The following TSHZ3 variants were observed in gnomAD, a reference collection of about 807,000 sequenced individuals.
The protein encoded by TSHZ3 is teashirt zinc finger homeobox 3.
TSHZ3 carries 10 observed loss-of-function variants against 64.5 expected under a neutral mutation model. That is an observed-to-expected ratio of 0.16 (90% CI 0.10 to 0.26). The LOEUF is 0.26. TSHZ3 is among the 10% of genes least tolerant of loss of function. TSHZ3 has a pLI of 1.00. For missense variants in TSHZ3, 1,242 were observed against 1,421.7 expected (o/e 0.87, Z 2.03); for synonymous variants, 608 against 593.1 (o/e 1.03, Z -0.36).
chr19:31,209,120 G>C (rs934689321), intron 4 of TSHZ3, among the ~76,000 whole-genome samples: 12 of 152,146 alleles, frequency 7.9e-5, no homozygotes, highest in African/African-American at 2.7e-4. Context: ...GGACTCAAGA[G>C]CCTAAAGACA....
chr19:31,328,228 C>T (rs979567516), intron 1 of TSHZ3, among the ~76,000 whole-genome samples: 1 of 152,254 alleles, frequency 6.6e-6, no homozygotes, highest in Admixed American at 6.5e-5. Context: ...TGCTGAAAAG[C>T]GAAGTGCTAG....
chr19:31,233,935 C>CAAA (rs35438995), intron 3 of TSHZ3, among the ~76,000 whole-genome samples: 2 of 118,178 alleles, frequency 1.7e-5, no homozygotes, highest in Admixed American at 1.8e-4. Flanking sequence ...TAATTCCTAC[C>CAAA]AAAAAAAAAA....
At chr19:31,282,757 AC>A (rs1211061784) in intron 1 of TSHZ3, among the ~76,000 whole-genome samples, 1 of 152,060 alleles carries the variant, frequency 6.6e-6, no homozygotes, top group Non-Finnish European at 1.5e-5. Flanking sequence ...GAAAAGGCCA[AC>A]CTCTCAACCT....
chr19:31,225,612 C>A (rs564236780), intron 4 of TSHZ3, among the ~76,000 whole-genome samples: 29 of 152,184 alleles, frequency 1.9e-4, no homozygotes, highest in African/African-American at 6.8e-4. Context: ...CTGCACCTCC[C>A]CATCCTCCCC....
intron 5 of TSHZ3, among the ~76,000 whole-genome samples, chr19:31,170,086 C>T (rs932962484): frequency 9.9e-5 from 15 of 152,122 alleles, no homozygotes; most frequent in Non-Finnish European, 2.1e-4. Context: ...TCAGGAGTAG[C>T]AAAACTAGCA....
At chr19:31,259,422 AAC>A (rs1975956060) in intron 1 of TSHZ3, among the ~76,000 whole-genome samples, 1 of 152,108 alleles carries the variant, frequency 6.6e-6, no homozygotes, top group South Asian at 2.1e-4. Context: ...GTTACCCCAT[AAC>A]AGTCTTCAGC....
chr19:31,220,017 G>A (rs1039548345), intron 4 of TSHZ3, among the ~76,000 whole-genome samples: 1 of 151,938 alleles, frequency 6.6e-6, no homozygotes, highest in African/African-American at 2.4e-5. Flanking sequence ...ATCAATTAAA[G>A]ACGATTTCTC....
intron 5 of TSHZ3, among the ~76,000 whole-genome samples, chr19:31,175,492 A>G (rs1038956243): frequency 4.6e-5 from 7 of 152,182 alleles, no homozygotes; most frequent in African/African-American, 1.4e-4. Context: ...CATTGCTCTG[A>G]TAAACCTTCC....
intron 1 of TSHZ3, among the ~76,000 whole-genome samples, chr19:31,288,263 C>T (rs1414783262): frequency 6.6e-6 from 1 of 152,146 alleles, no homozygotes; most frequent in Non-Finnish European, 1.5e-5. Flanking sequence ...TCTCTGCAGA[C>T]CCTCCTGCCC....
chr19:31,150,143 C>G (rs1974220417), exon 7 of TSHZ3, among the ~76,000 whole-genome samples: 1 of 150,600 alleles, frequency 6.6e-6, no homozygotes, highest in Non-Finnish European at 1.5e-5. Flanking sequence ...TGATTTTTTT[C>G]CCCTTCTTTT....
chr19:31,235,638 CTTTCTTTCTTTCTA>C lies in TSHZ3; in HGVS notation n.550+6617_550+6630del, dbSNP rs1333273509. Reference sequence around the variant, plus strand: ...TTTCCTCTTTCTTTCTTTCCTCTTTCTTTCTTTCTTTCTATTTCTTTCTATTTCTTTCTTCTTTC... The same window carrying C: ...TTTCCTCTTTCTTTCTTTCCTCTTTCTTTCTTTCTATTTCTTTCTTCTTTC... On this transcript the variant is annotated intron_variant and non_coding_transcript_variant, in intron 3 of 6. Coordinates refer to the TSHZ3 transcript ENST00000651361. Among the ~76,000 whole-genome samples, 82 of 119,968 alleles carry C rather than the reference CTTTCTTTCTTTCTA, an allele frequency of 6.8e-4. 2 individuals are homozygous for C. The Admixed American group carries it at 7.2e-3, about 11-fold the overall frequency. 78.7% of individuals were successfully genotyped at this position (119,968 alleles called of 152,430 possible).
chr19:31,330,537 T>C (rs190318458), intron 1 of TSHZ3, among the ~76,000 whole-genome samples: 1 of 152,152 alleles, frequency 6.6e-6, no homozygotes, highest in South Asian at 2.1e-4. Flanking sequence ...CGCCCCAATG[T>C]CACTCTCTAG....
intron 4 of TSHZ3, among the ~76,000 whole-genome samples, chr19:31,210,918 C>T (rs968382750): frequency 5.9e-5 from 9 of 152,038 alleles, no homozygotes; most frequent in Admixed American, 3.3e-4. Context: ...TCCAAACTGG[C>T]GGCAGATTTT....
intron 5 of TSHZ3, among the ~76,000 whole-genome samples, chr19:31,191,276 A>T (rs1313024235): frequency 6.6e-6 from 1 of 152,228 alleles, no homozygotes. Flanking sequence ...AACACAAAAA[A>T]AATCATAAAA....
At chr19:31,208,811 A>C (rs1407652519) in intron 4 of TSHZ3, among the ~76,000 whole-genome samples, 1 of 152,242 alleles carries the variant, frequency 6.6e-6, no homozygotes, top group East Asian at 1.9e-4. Flanking sequence ...CCATGTGCAG[A>C]TCTTACTTAC....
exon 7 of TSHZ3, among the ~76,000 whole-genome samples, chr19:31,150,070 C>A (rs1974219201): frequency 6.6e-6 from 1 of 152,188 alleles, no homozygotes; most frequent in Non-Finnish European, 1.5e-5. Flanking sequence ...ATTCGCCGAG[C>A]ACGGTGGGAG....
chr19:31,150,797 TCCCCTTGGG>T (rs1409996373), exon 7 of TSHZ3, among the ~76,000 whole-genome samples: 3 of 152,150 alleles, frequency 2.0e-5, no homozygotes, highest in Non-Finnish European at 4.4e-5. Flanking sequence ...ACCACCGAAG[TCCCCTTGGG>T]CCACCATGGT....
intron 5 of TSHZ3, among the ~76,000 whole-genome samples, chr19:31,183,590 GT>G (rs1195929134): frequency 6.6e-6 from 1 of 152,174 alleles, no homozygotes; most frequent in Admixed American, 6.5e-5. Flanking sequence ...CAGCAAGCAG[GT>G]TGGGAACCAG....
intron 1 of TSHZ3, among the ~76,000 whole-genome samples, chr19:31,246,494 T>C (rs901082729): frequency 6.6e-6 from 1 of 152,032 alleles, no homozygotes; most frequent in Non-Finnish European, 1.5e-5. Flanking sequence ...GGTTTCTCAT[T>C]GTTGGAGAAA....
Sources: allele counts gnomAD v4.1 joint callset (sites outside exome capture counted in the v4.1 genomes callset), GRCh38; gene constraint gnomAD v4.1.1; transcripts MANE v1.5; gene names NCBI Gene and HGNC (gene_info 2026-07-23, HGNC 2026-07-21).